CCM2: variants seen among roughly 807,000 people sequenced by gnomAD.
CCM2 encodes the protein CCM2 scaffold protein.
A neutral mutation model predicts 44.9 loss-of-function variants in CCM2; 25 were observed. The observed-to-expected ratio is 0.56, with a 90% confidence interval of 0.41 to 0.78. The LOEUF is 0.78. CCM2 is among the 30% of genes least tolerant of loss of function. CCM2 has a pLI of 0.00. For missense variants in CCM2, 481 were observed against 580.6 expected (o/e 0.83, Z 1.76); for synonymous variants, 219 against 241.1 (o/e 0.91, Z 0.85).
At chr7:45,048,262 T>A (rs1797850359) in intron 2 of CCM2, among the ~76,000 whole-genome samples, 1 of 152,222 alleles carries the variant, frequency 6.6e-6, no homozygotes, top group Non-Finnish European at 1.5e-5. Flanking sequence ...CTTTTTAAAC[T>A]GTATACATTT....
At chr7:45,073,904 C>T (rs1799213317) in intron 8 of CCM2, 1 of 521,800 alleles carries the variant, frequency 1.9e-6, no homozygotes, top group Non-Finnish European at 3.5e-6. Context: ...ATAGTTCTGT[C>T]ATTGCAAACT....
chr7:45,051,074 C>CCACT (rs1797979001), intron 2 of CCM2, among the ~76,000 whole-genome samples: 2 of 152,254 alleles, frequency 1.3e-5, no homozygotes, highest in South Asian at 4.1e-4. Flanking sequence ...GGGTGAGACA[C>CCACT]CACTGCCTGT....
intron 1 of CCM2, among the ~76,000 whole-genome samples, chr7:45,022,290 CTTTTTTTTTTTTT>C (rs34095527): frequency 9.0e-4 from 41 of 45,452 alleles, no homozygotes; most frequent in East Asian, 1.7e-3. Flanking sequence ...TTTGGACCAG[CTTTTTTTTTTTTT>C]TTTTTTTTTT....
chr7:45,039,066 C>T (rs534171029), intron 2 of CCM2, among the ~76,000 whole-genome samples: 15 of 152,246 alleles, frequency 9.9e-5, no homozygotes, highest in Admixed American at 7.8e-4. Context: ...CAGCCAGACC[C>T]GAGTTCCTGC....
intron 1 of CCM2, among the ~76,000 whole-genome samples, chr7:45,014,822 A>G (rs950537855): frequency 3.3e-5 from 5 of 151,540 alleles, no homozygotes; most frequent in Admixed American, 3.3e-4. Flanking sequence ...GGGTTTCGTC[A>G]TGTTGGCCAG....
At chr7:44,999,886 A>G (rs1431502724), upstream of CCM2, 6 of 366,974 alleles carry the variant, frequency 1.6e-5, no homozygotes, top group East Asian at 6.1e-4. Context: ...GCAGAAGCGA[A>G]GTAGGGGTAG....
At chr7:45,069,797 G>T in intron 5 of CCM2, 29 bp from the exon 6 acceptor site, 1 of 1,613,466 alleles carries the variant, frequency 6.2e-7, no homozygotes, top group South Asian at 1.1e-5. Flanking sequence ...CAGCCAGACT[G>T]ACCGAGCAGC....
At chr7:45,048,267 A>G (rs905721343) in intron 2 of CCM2, among the ~76,000 whole-genome samples, 9 of 152,226 alleles carry the variant, frequency 5.9e-5, no homozygotes, top group African/African-American at 2.2e-4. Context: ...TAAACTGTAT[A>G]CATTTCATAA....
chr7:45,027,377 A>T (rs1430827742), intron 1 of CCM2: 1 of 421,028 alleles, frequency 2.4e-6, no homozygotes, highest in Non-Finnish European at 4.5e-6. Flanking sequence ...AATGTGCAGA[A>T]TGGTGGACTT....
At chr7:45,011,233 G>A (rs1796054883) in intron 1 of CCM2, among the ~76,000 whole-genome samples, 1 of 149,600 alleles carries the variant, frequency 6.7e-6, no homozygotes, top group Non-Finnish European at 1.5e-5. Flanking sequence ...TCTCACTCTT[G>A]TTGCCCAGGT....
At chr7:45,010,173 A>G (rs1796012804) in intron 1 of CCM2, among the ~76,000 whole-genome samples, 1 of 152,200 alleles carries the variant, frequency 6.6e-6, no homozygotes, top group Non-Finnish European at 1.5e-5. Context: ...GGCCTGCCAA[A>G]GTGTTGGTAT....
intron 2 of CCM2, 47 bp downstream of exon 2, chr7:45,038,473 G>C: frequency 1.3e-6 from 2 of 1,591,614 alleles, no homozygotes; most frequent in South Asian, 2.2e-5. Context: ...CGACAGTGAC[G>C]GTCATGCTTG....
chr7:45,072,832 G>A (rs757745342), intron 7 of CCM2, 49 bp downstream of exon 7: 20 of 1,443,804 alleles, frequency 1.4e-5, no homozygotes, highest in South Asian at 8.0e-5. Flanking sequence ...CACCAAATGC[G>A]TTGTCTGGTG....
rs544000409 is a variant in CCM2 at position 45,006,882 on chromosome 7, T to C, written c.30+6519T>C. The stretch of plus-strand genomic sequence containing the variant: ...TCTAGACTCTAAGAGAATAAGTTTC[T>C]ATTATTGAAGCCACTCAAGTCTATA... On this transcript the variant is annotated intron_variant, in intron 1 of 9. Coordinates refer to ENST00000258781, the MANE Select transcript of CCM2 (RefSeq NM_031443.4). Among the ~76,000 whole-genome samples the C allele has an allele frequency of 4.6e-4, 70 of 152,322 alleles. 1 individual carries two copies. Among genetic ancestry groups the C allele is most frequent in the African/African-American group, 1.5e-3 (63 of 41,572 alleles).
Position 45,076,300 on chromosome 7 carries a change from G to A in CCM2, c.*243G>A. On this transcript the variant is annotated 3_prime_UTR_variant, in exon 10 of 10. Transcript: ENST00000258781. ...CACCAGGGCTCAGCCAAGCCCTGCA[G>A]TGTGTCCCCGCTCGGGGAGGGCCCG... The A allele has an allele frequency of 1.5e-6, 1 of 686,436 alleles. No homozygotes were observed. The highest frequency in any genetic ancestry group is 2.0e-5 in the Admixed American group (1 of 49,102). The allele number at this position is 686,436 out of a possible 1,614,324, so 42.5% of individuals were successfully genotyped here.
At chr7:45,064,399 G>A in intron 3 of CCM2, 64 bp from the exon 4 acceptor site, 5 of 1,529,086 alleles carry the variant, frequency 3.3e-6, no homozygotes, top group Non-Finnish European at 1.8e-6. Flanking sequence ...ATATTCTCAG[G>A]AGAAGCGCCC....
At chr7:45,023,480 G>T (rs539204118) in intron 1 of CCM2, among the ~76,000 whole-genome samples, 367 of 152,304 alleles carry the variant, frequency 2.4e-3, no homozygotes, top group African/African-American at 8.5e-3. Flanking sequence ...AACTTGGGAG[G>T]TGGAGGTTGC....
At chr7:45,068,095 G>A (rs2128749659) in intron 4 of CCM2, 1 of 383,150 alleles carries the variant, frequency 2.6e-6, no homozygotes, top group Admixed American at 3.7e-5. Flanking sequence ...CCATGCCTCA[G>A]TTTACCCATC....
chr7:45,064,692 A>G (rs1212761286), intron 4 of CCM2, 46 bp downstream of exon 4: 6 of 1,602,780 alleles, frequency 3.7e-6, no homozygotes, highest in Non-Finnish European at 5.1e-6. Context: ...TAAGGAGTAC[A>G]TGTGTGAATT....
Sources: gnomAD v4.1 joint callset for allele counts (sites outside exome capture counted in the v4.1 genomes callset) on GRCh38, gnomAD v4.1.1 for gene constraint, MANE v1.5 for transcripts, NCBI Gene and HGNC (gene_info 2026-07-23, HGNC 2026-07-21) for gene names.